TMTC1: variants seen among roughly 807,000 people sequenced by gnomAD.
TMTC1 encodes transmembrane O-mannosyltransferase targeting cadherins 1, also known as protein O-mannosyl-transferase TMTC1.
TMTC1 carries 73 observed loss-of-function variants against 104.8 expected under a neutral mutation model. That is an observed-to-expected ratio of 0.70 (90% CI 0.58 to 0.85). The LOEUF (loss-of-function observed/expected upper bound fraction) is 0.85. Among genes scored for constraint, TMTC1 ranks in the 40% least tolerant of loss-of-function variants. TMTC1 has a pLI of 0.00. For synonymous variants in TMTC1, 434 were observed against 428.7 expected (o/e 1.01, Z -0.15); for missense variants, 1,035 against 1,096.1 (o/e 0.94, Z 0.79).
chr12:29,629,029 C>T (rs1428478721), intron 6 of TMTC1, among the ~76,000 whole-genome samples: 2 of 151,894 alleles, frequency 1.3e-5, no homozygotes, highest in Admixed American at 1.3e-4. Context: ...TTTAAAGCTA[C>T]CTATGATGGG....
intron 5 of TMTC1, among the ~76,000 whole-genome samples, chr12:29,733,625 T>TA (rs1245852777): frequency 1.3e-5 from 2 of 152,202 alleles, no homozygotes; most frequent in African/African-American, 4.8e-5. Flanking sequence ...CAGCTTTTGA[T>TA]AAAAATTTCC....
chr12:29,569,122 A>G (rs947426934), intron 9 of TMTC1: 4 of 378,388 alleles, frequency 1.1e-5, no homozygotes, highest in Middle Eastern at 8.9e-4. Context: ...GTGACCTTAG[A>G]TGCAATATTT....
In TMTC1 at chr12:29,761,719, T is replaced by C. The variant is rs560090561; in HGVS notation, c.481-2942A>G. ...AAAAGGGAGATGAACTGGGCTGACATTTCAGGCACAGGAATAGTATCACCC... is the reference window on the plus strand; with the variant it reads ...AAAAGGGAGATGAACTGGGCTGACACTTCAGGCACAGGAATAGTATCACCC... On this transcript the variant is annotated intron_variant, in intron 2 of 17. Transcript: ENST00000539277. 2.6e-5 allele frequency among the ~76,000 whole-genome samples: 4 copies of C among 152,208 alleles called. 1 individual carries two copies. The highest frequency in any genetic ancestry group is 7.2e-5 in the African/African-American group (3 of 41,524).
chr12:29,640,187 G>A (rs890867832), intron 5 of TMTC1, among the ~76,000 whole-genome samples: 1 of 152,200 alleles, frequency 6.6e-6, no homozygotes, highest in Non-Finnish European at 1.5e-5. Flanking sequence ...ATTGTGTTCT[G>A]TTAAAGTTCC....
At chr12:29,669,426 G>A (rs1940417754) in intron 5 of TMTC1, among the ~76,000 whole-genome samples, 1 of 152,190 alleles carries the variant, frequency 6.6e-6, no homozygotes, top group African/African-American at 2.4e-5. Flanking sequence ...CAATAGTGCA[G>A]TGTTAGCATT....
chr12:29,570,707 G>A (rs1945643636), intron 9 of TMTC1, among the ~76,000 whole-genome samples: 4 of 152,112 alleles, frequency 2.6e-5, no homozygotes, highest in Admixed American at 2.6e-4. Flanking sequence ...AGACGACCAT[G>A]ATGGTGCATG....
chr12:29,766,707 C>CAG (rs1943472401), intron 2 of TMTC1, among the ~76,000 whole-genome samples: 1 of 152,102 alleles, frequency 6.6e-6, no homozygotes, highest in Admixed American at 6.5e-5. Flanking sequence ...ATCTTTACTG[C>CAG]AGGTGTGTAC....
rs151071174 is a variant in TMTC1, at chr12:29,745,487, G to T, written c.938+6179C>A. Among the ~76,000 whole-genome samples, 360 of 152,066 alleles carry T rather than the reference G, an allele frequency of 2.4e-3. 2 individuals carry two copies. Among genetic ancestry groups the T allele is most frequent in the African/African-American group, 8.5e-3 (353 of 41,478 alleles). On this transcript the variant is annotated intron_variant, in intron 5 of 17. Transcript: ENST00000539277. ...AAAATACAAAAATTAGCCAGGCATG[G>T]TGGCACACCTGTAATCCCAGCTACT...
chr12:29,783,513 C>A lies in TMTC1; in HGVS notation c.239G>T (p.Gly80Val), dbSNP rs1181195983. Residue 80 changes from glycine to valine, a missense_variant, in exon 1 of 18, where the codon GGC becomes GTC. By Grantham distance (109) the Gly-to-Val change is moderately radical. Coordinates refer to ENST00000539277, the MANE Select transcript of TMTC1 (RefSeq NM_001193451.2). This position sits in a 1 kb window ranked among gnomAD's most constrained non-coding sequence, Gnocchi z 4.7. The part of the protein sequence containing the change: ...RWGIFTNDFW[G>V]KGMAENTSHK... ...GCTGGTGTTCTCGGCCATGCCCTTG[C>A]CCCAGAAGTCGTTGGTGAAGATGCC... 2.1e-6 allele frequency: 3 copies of A among 1,440,518 alleles called. No homozygotes were observed. The highest frequency in any genetic ancestry group is 1.4e-5 in the South Asian group (1 of 73,016). The allele number at this position is 1,440,518 out of a possible 1,614,324, so 89.2% of individuals were successfully genotyped here. A position where few individuals can be genotyped will look rare whatever the true frequency, so the allele number is the denominator to read the frequency against.
At chr12:29,514,661 T>G in intron 15 of TMTC1, 57 bp from the exon 16 acceptor site, 6 of 1,549,068 alleles carry the variant, frequency 3.9e-6, no homozygotes, top group Non-Finnish European at 5.2e-6. Context: ...GAAAAACTTA[T>G]TTAACTGATC....
chr12:29,598,039 G>C (rs1234446813), intron 7 of TMTC1, among the ~76,000 whole-genome samples: 1 of 152,110 alleles, frequency 6.6e-6, no homozygotes, highest in African/African-American at 2.4e-5. Context: ...ACAGAGCAAG[G>C]CCAACATTCT....
At chr12:29,578,727 T>A (rs1945893264) in intron 8 of TMTC1, among the ~76,000 whole-genome samples, 1 of 152,200 alleles carries the variant, frequency 6.6e-6, no homozygotes, top group African/African-American at 2.4e-5. Context: ...TTTGTTGGCA[T>A]CATTGGACAA....
chr12:29,643,811 TTA>T (rs1440325545), intron 5 of TMTC1, among the ~76,000 whole-genome samples: 2 of 74,796 alleles, frequency 2.7e-5, no homozygotes, highest in African/African-American at 1.2e-4. Context: ...ATTTATATAT[TTA>T]TATATATTTA....
chr12:29,559,513 T>C (rs1439132789), intron 9 of TMTC1, among the ~76,000 whole-genome samples: 1 of 152,108 alleles, frequency 6.6e-6, no homozygotes, highest in African/African-American at 2.4e-5. Context: ...AAGCGAATAG[T>C]AAGAAGAGAA....
At chr12:29,547,234 A>G (rs911634675) in intron 10 of TMTC1, among the ~76,000 whole-genome samples, 3 of 152,198 alleles carry the variant, frequency 2.0e-5, no homozygotes, top group African/African-American at 7.2e-5. Flanking sequence ...GCTTGCTCCC[A>G]CCCAGCACTT....
intron 5 of TMTC1, among the ~76,000 whole-genome samples, chr12:29,634,222 A>T (rs1373922901): frequency 6.6e-6 from 1 of 152,098 alleles, no homozygotes; most frequent in Non-Finnish European, 1.5e-5. Context: ...TTTAAACAGC[A>T]TTTACAAAAA....
At chr12:29,668,269 T>G (rs971933239) in intron 5 of TMTC1, among the ~76,000 whole-genome samples, 3 of 152,126 alleles carry the variant, frequency 2.0e-5, no homozygotes, top group African/African-American at 4.8e-5. Flanking sequence ...AAGGCCTTCT[T>G]GCTGCATCCT....
chr12:29,764,491 G>T (rs1349678761), intron 2 of TMTC1, among the ~76,000 whole-genome samples: 2 of 152,122 alleles, frequency 1.3e-5, no homozygotes, highest in Non-Finnish European at 2.9e-5. Flanking sequence ...CTGGGCTACA[G>T]GGTCAGACCC....
intron 10 of TMTC1, among the ~76,000 whole-genome samples, chr12:29,555,015 G>C (rs111443106): frequency 6.6e-6 from 1 of 151,904 alleles, no homozygotes; most frequent in African/African-American, 2.4e-5. Flanking sequence ...AGTATACTAG[G>C]ATCCAAATGT....
Sources: gnomAD v4.1 joint callset for allele counts (sites outside exome capture counted in the v4.1 genomes callset) on GRCh38, gnomAD v4.1.1 for gene constraint, Gnocchi (gnomAD v3.1) non-coding constraint, MANE v1.5 for transcripts, NCBI Gene and HGNC (gene_info 2026-07-23, HGNC 2026-07-21) for gene names.